ERBB4: variants seen among roughly 807,000 people sequenced by gnomAD.
The protein encoded by ERBB4 is erb-b2 receptor tyrosine kinase 4.
Under a neutral mutation model 158.0 loss-of-function variants are expected in ERBB4, and 42 were observed. The observed-to-expected ratio is 0.27, with a 90% CI of 0.21 to 0.34. The LOEUF is 0.34. Ranked by LOEUF, ERBB4 falls within the 10% of genes least tolerant of loss-of-function variation. ERBB4 has a pLI of 1.00. For missense variants in ERBB4, 1,333 were observed against 1,624.1 expected, an observed-to-expected ratio of 0.82 and a Z score of 3.08; for synonymous variants, 583 against 558.7, an observed-to-expected ratio of 1.04 and a Z score of -0.61.
intron 12 of ERBB4, among the ~76,000 whole-genome samples, chr2:211,681,984 C>T (rs1208797599): frequency 6.6e-6 from 1 of 151,070 alleles, no homozygotes; most frequent in Non-Finnish European, 1.5e-5. Context: ...AGTTAATTTG[C>T]ACATATGGTA....
chr2:211,682,700 T>C (rs1349460529), intron 12 of ERBB4, among the ~76,000 whole-genome samples: 1 of 152,172 alleles, frequency 6.6e-6, no homozygotes, highest in African/African-American at 2.4e-5. Flanking sequence ...CTCTACTCTC[T>C]TCCATCTATT....
At chr2:211,626,937 T>C (rs1478625857) in intron 17 of ERBB4, among the ~76,000 whole-genome samples, 1 of 97,700 alleles carries the variant, frequency 1.0e-5, no homozygotes, top group Non-Finnish European at 2.0e-5. Context: ...AAAATAAAAA[T>C]AAAAATAAAT....
chr2:211,668,848 C>T (rs1440630644), intron 14 of ERBB4, among the ~76,000 whole-genome samples: 5 of 152,044 alleles, frequency 3.3e-5, no homozygotes, highest in Non-Finnish European at 5.9e-5. Flanking sequence ...AGTGGAAGTG[C>T]CATAAATTAA....
At chr2:211,681,646 T>G (rs954428357) in intron 12 of ERBB4, among the ~76,000 whole-genome samples, 1 of 152,174 alleles carries the variant, frequency 6.6e-6, no homozygotes, top group East Asian at 1.9e-4. Context: ...AATGTGTTTA[T>G]TTTTACATAT....
chr2:211,573,685 TAAATA>T (rs1207147657), intron 19 of ERBB4, among the ~76,000 whole-genome samples: 1 of 114,418 alleles, frequency 8.7e-6, no homozygotes, highest in Non-Finnish European at 1.7e-5. Context: ...AATAAATAAA[TAAATA>T]AAATAATAGA....
intron 1 of ERBB4, among the ~76,000 whole-genome samples, chr2:212,240,170 G>A (rs561274929): frequency 2.6e-5 from 4 of 152,118 alleles, no homozygotes; most frequent in Non-Finnish European, 5.9e-5. Flanking sequence ...GACCATGAAT[G>A]TTTGCTTTTG....
At chr2:211,627,105 T>C (rs2069889746) in intron 17 of ERBB4, among the ~76,000 whole-genome samples, 1 of 152,106 alleles carries the variant, frequency 6.6e-6, no homozygotes, top group Admixed American at 6.6e-5. Context: ...TTAAGGTAAT[T>C]TCTCTTCCAT....
At chr2:212,135,457 C>G (rs1471137893) in intron 1 of ERBB4, among the ~76,000 whole-genome samples, 1 of 151,430 alleles carries the variant, frequency 6.6e-6, no homozygotes, top group African/African-American at 2.4e-5. Context: ...TGTATCATAT[C>G]AAATAACAAC....
chr2:212,506,095 C>G (rs1323045383), intron 1 of ERBB4, among the ~76,000 whole-genome samples: 1 of 148,700 alleles, frequency 6.7e-6, no homozygotes, highest in Non-Finnish European at 1.5e-5. Flanking sequence ...CACAATATTT[C>G]AAACTTTATT....
intron 1 of ERBB4, among the ~76,000 whole-genome samples, chr2:212,442,493 C>T (rs961951220): frequency 6.6e-6 from 1 of 152,122 alleles, no homozygotes; most frequent in Non-Finnish European, 1.5e-5. Context: ...TTGGGGACTC[C>T]TGGGCACTGG....
In ERBB4 at chr2:212,538,628, G is replaced by A. The variant is rs569668730; in HGVS notation, c.-98C>T. 4.8e-6 allele frequency: 6 copies of A among 1,240,988 alleles called. No individual in the cohort carries two copies. The highest frequency in any genetic ancestry group is 3.6e-5 in the Admixed American group (2 of 55,824). The allele number at this position is 1,240,988 out of a possible 1,614,324, so 76.9% of individuals were successfully genotyped here. Reference sequence around the variant, plus strand: ...GGAGATCCCCCAGCCGGGCGCGCGTGGGGGTGCGAGGGGGGCGGGCGCGGC... The same window carrying A: ...GGAGATCCCCCAGCCGGGCGCGCGTAGGGGTGCGAGGGGGGCGGGCGCGGC... On this transcript the variant is annotated 5_prime_UTR_variant, in exon 1 of 28. Transcript: ENST00000342788.
At chr2:211,962,516 A>C (rs114203671) in intron 2 of ERBB4, among the ~76,000 whole-genome samples, 96 of 152,264 alleles carry the variant, frequency 6.3e-4, no homozygotes, top group African/African-American at 2.2e-3. Flanking sequence ...AGGAGTCTAT[A>C]ATTTTACACC....
At chr2:212,524,351 T>C (rs1692332992) in intron 1 of ERBB4, among the ~76,000 whole-genome samples, 1 of 152,016 alleles carries the variant, frequency 6.6e-6, no homozygotes, top group African/African-American at 2.4e-5. Flanking sequence ...CCATATCTAA[T>C]ACACACACCT....
At chr2:211,815,553 C>A (rs948972348) in intron 3 of ERBB4, among the ~76,000 whole-genome samples, 2 of 152,104 alleles carry the variant, frequency 1.3e-5, no homozygotes, top group Non-Finnish European at 2.9e-5. Flanking sequence ...CTCAAATATT[C>A]CACTTTTAAG....
chr2:211,782,940 C>T (rs942568414), intron 4 of ERBB4, among the ~76,000 whole-genome samples: 10 of 152,080 alleles, frequency 6.6e-5, no homozygotes, highest in African/African-American at 1.2e-4. Context: ...GGGGATGGCA[C>T]TGAATCTATA....
chr2:212,235,088 C>G (rs2083813049), intron 1 of ERBB4, among the ~76,000 whole-genome samples: 1 of 152,098 alleles, frequency 6.6e-6, no homozygotes, highest in Non-Finnish European at 1.5e-5. Flanking sequence ...AGGTTTTCTT[C>G]TAGGGTTTTT....
intron 20 of ERBB4, among the ~76,000 whole-genome samples, chr2:211,473,576 C>G (rs1352983278): frequency 6.6e-6 from 1 of 152,036 alleles, no homozygotes; most frequent in African/African-American, 2.4e-5. Flanking sequence ...CCCCTCAAAA[C>G]TTTTTCCTTT....
intron 17 of ERBB4, among the ~76,000 whole-genome samples, chr2:211,625,187 GTTTC>G (rs546498479): frequency 2.0e-3 from 307 of 152,152 alleles, no homozygotes; most frequent in African/African-American, 7.3e-3. Flanking sequence ...AGAAATAGGA[GTTTC>G]TTTGTCTTTT....
At chr2:211,833,558 T>C (rs181764019) in intron 3 of ERBB4, among the ~76,000 whole-genome samples, 2 of 151,946 alleles carry the variant, frequency 1.3e-5, no homozygotes, top group African/African-American at 2.4e-5. Flanking sequence ...TAGATAGATA[T>C]GATCATCTTC....
Sources: gnomAD v4.1 joint callset for allele counts (sites outside exome capture counted in the v4.1 genomes callset) on GRCh38, gnomAD v4.1.1 for gene constraint, MANE v1.5 for transcripts, NCBI Gene and HGNC (gene_info 2026-07-23, HGNC 2026-07-21) for gene names.